MAP3K4: variants seen among roughly 807,000 people sequenced by gnomAD.
MAP3K4 encodes the protein mitogen-activated protein kinase kinase kinase 4, also known as MAP three kinase 1.
A neutral mutation model predicts 185.6 loss-of-function variants in MAP3K4; 67 were observed. That is an observed-to-expected ratio of 0.36 (90% confidence interval 0.30 to 0.44). The LOEUF is 0.44. Ranked by LOEUF, MAP3K4 falls within the 20% of genes least tolerant of loss-of-function variation. MAP3K4 has a pLI of 1.00. For synonymous variants in MAP3K4, 702 were observed against 710.4 expected (o/e 0.99, Z 0.19); for missense variants, 1,551 against 1,995.1 (o/e 0.78, Z 4.24).
intron 1 of MAP3K4, among the ~76,000 whole-genome samples, chr6:161,033,410 T>C (rs1309159966): frequency 6.6e-6 from 1 of 152,180 alleles, no homozygotes; most frequent in Non-Finnish European, 1.5e-5. Context: ...GTCAAAATAG[T>C]GATATTATTT....
chr6:161,104,373 C>A (rs1777961111), intron 19 of MAP3K4, among the ~76,000 whole-genome samples: 1 of 145,188 alleles, frequency 6.9e-6, no homozygotes, highest in African/African-American at 2.6e-5. Flanking sequence ...GAGATCGCGC[C>A]ATCACACTCT....
chr6:161,115,173 G>C lies in MAP3K4; in HGVS notation c.4677G>C (p.Gly1559=). 6.2e-7 allele frequency: 1 copy of C among 1,614,152 alleles called. No homozygotes were observed. The part of the protein sequence containing the change: ...EHNFQIMYKV[G]MGHKPPIPER... ...ACTTTCAAATTATGTATAAAGTGGG[G>C]ATGGGACATAAGCCACCAATCCCTG... The change falls in exon 26 of 27, where the codon GGG becomes GGC. Residue 1559 remains glycine (G), a synonymous_variant. Transcript: ENST00000392142. This position sits in a 1 kb window ranked among gnomAD's most constrained non-coding sequence, Gnocchi z 6.0.
Position 161,022,073 on chromosome 6 carries a change from A to G in MAP3K4, c.153-12186A>G, listed in dbSNP as rs1157080278. The stretch of plus-strand genomic sequence containing the variant: ...TGTTAATTCAAAATTACCGTTCCCT[A>G]GTTTGAAAGGCTGTTTTCTATTTCA... On this transcript the variant is annotated intron_variant, in intron 1 of 26. Transcript: ENST00000392142. The surrounding 1 kb of genome is among the most constrained non-coding windows in gnomAD (Gnocchi z 4.2). 1 of 152,208 alleles carries G rather than the reference A, an allele frequency of 6.6e-6. No individual in the cohort carries two copies. The highest frequency in any genetic ancestry group is 1.5e-5 in the Non-Finnish European group (1 of 68,030). 9.4% of individuals were successfully genotyped at this position (152,208 alleles called of 1,614,324 possible).
intron 1 of MAP3K4, among the ~76,000 whole-genome samples, chr6:161,010,230 A>G (rs935031702): frequency 6.6e-6 from 1 of 152,190 alleles, no homozygotes; most frequent in African/African-American, 2.4e-5. Flanking sequence ...TATATGCACC[A>G]CATGAGATGC....
Position 161,108,483 on chromosome 6 carries a change from C to T in MAP3K4, c.4120-260C>T, listed in dbSNP as rs1002234721. Among the ~76,000 whole-genome samples the T allele has an allele frequency of 5.3e-5, 8 of 152,030 alleles. No individual in the cohort carries two copies. The highest frequency in any genetic ancestry group is 7.4e-5 in the Non-Finnish European group (5 of 68,026). On this transcript the variant is annotated intron_variant, in intron 21 of 26. Transcript: ENST00000392142. The surrounding 1 kb of genome is among the most constrained non-coding windows in gnomAD (Gnocchi z 5.7). ...CAGCGTCTTGCACTTGCCGTGGAGC[C>T]GCGTCCTCCTCCACATGGCGCTCCT...
In MAP3K4 at chr6:161,101,867, T is replaced by C; in HGVS notation, c.3675-25T>C. 1 of 1,570,656 alleles carries C rather than the reference T, an allele frequency of 6.4e-7. No individual in the cohort carries two copies. On this transcript the variant is annotated intron_variant, in intron 17 of 26. Transcript: ENST00000392142. This position sits in a 1 kb window ranked among gnomAD's most constrained non-coding sequence, Gnocchi z 5.1. ...TTTTAAGTTCTATTGAATTGATAGCTCAATTATTAAAAATATTAAAACAGG... is the reference window on the plus strand; with the variant it reads ...TTTTAAGTTCTATTGAATTGATAGCCCAATTATTAAAAATATTAAAACAGG...
chr6:161,099,331 C>T (rs1777726378), intron 17 of MAP3K4, among the ~76,000 whole-genome samples: 1 of 152,192 alleles, frequency 6.6e-6, no homozygotes, highest in South Asian at 2.1e-4. Context: ...AATGTTTTTA[C>T]ACTTACTTTA....
chr6:161,018,777 G>C (rs1374097645), intron 1 of MAP3K4, among the ~76,000 whole-genome samples: 1 of 152,106 alleles, frequency 6.6e-6, no homozygotes, highest in South Asian at 2.1e-4. Context: ...GAAGTACCAG[G>C]AGTTGCTAAA....
At chr6:161,031,542 G>A (rs1318414413) in intron 1 of MAP3K4, among the ~76,000 whole-genome samples, 1 of 151,934 alleles carries the variant, frequency 6.6e-6, no homozygotes, top group Non-Finnish European at 1.5e-5. Flanking sequence ...AGATCGTGAC[G>A]CTCCTCAGGT....
chr6:161,037,699 C>G lies in MAP3K4; in HGVS notation c.343+3250C>G, dbSNP rs1051279723. Among the ~76,000 whole-genome samples the G allele has an allele frequency of 1.3e-5, 2 of 152,136 alleles. No homozygotes were observed. The highest frequency in any genetic ancestry group is 4.8e-5 in the African/African-American group (2 of 41,426). ...TCCCAAAGTGCTGGGATTATAGGCA[C>G]GAGCAACCATGACCGGTTGTAAAGT... On this transcript the variant is annotated intron_variant, in intron 2 of 26. Coordinates refer to ENST00000392142, the MANE Select transcript of MAP3K4 (RefSeq NM_005922.4). The surrounding 1 kb of genome is among the most constrained non-coding windows in gnomAD (Gnocchi z 4.2).
chr6:161,019,520 C>T (rs12524650), intron 1 of MAP3K4, among the ~76,000 whole-genome samples: 3,274 of 152,304 alleles, frequency 0.021, 335 homozygotes, highest in Admixed American at 0.19. Context: ...AATTCTCCTG[C>T]GTCAGTCTCC....
At position 161,112,190 on chromosome 6, in the gene MAP3K4, C is replaced by T. The variant is rs1269866689; in HGVS notation, c.4519+232C>T. ...AGGAGAGAGGAAAGCCTCTTTTTCT[C>T]ACCAGAACAACTCTTTTGTTGTTTG... On this transcript the variant is annotated intron_variant, in intron 24 of 26. Transcript: ENST00000392142. This position sits in a 1 kb window ranked among gnomAD's most constrained non-coding sequence, Gnocchi z 5.1. Among the ~76,000 whole-genome samples the T allele has an allele frequency of 7.1e-6, 1 of 140,986 alleles. No homozygotes were observed. Among genetic ancestry groups the T allele is most frequent in the Non-Finnish European group, 1.6e-5 (1 of 63,124 alleles). 92.5% of individuals were successfully genotyped at this position (140,986 alleles called of 152,430 possible).
intron 7 of MAP3K4, among the ~76,000 whole-genome samples, chr6:161,085,983 A>G (rs571667018): frequency 1.3e-5 from 2 of 152,324 alleles, no homozygotes; most frequent in South Asian, 4.1e-4. Context: ...ATTACATAAG[A>G]TAGTAATTTA....
chr6:161,060,527 G>A (rs937058615), intron 3 of MAP3K4, among the ~76,000 whole-genome samples: 5 of 151,734 alleles, frequency 3.3e-5, no homozygotes, highest in Admixed American at 6.6e-5. Context: ...TCCTTTGATA[G>A]CTTCCATGTT....
chr6:161,002,018 A>ACGTCTG (rs1180136213), intron 1 of MAP3K4, among the ~76,000 whole-genome samples: 1 of 147,112 alleles, frequency 6.8e-6, no homozygotes, highest in Non-Finnish European at 1.5e-5. Context: ...TTCCCCCCCA[A>ACGTCTG]CGTCTGCAGA....
intron 3 of MAP3K4, among the ~76,000 whole-genome samples, chr6:161,058,932 A>G (rs561350663): frequency 6.6e-6 from 1 of 152,098 alleles, no homozygotes; most frequent in Non-Finnish European, 1.5e-5. Flanking sequence ...CCCTTTATGA[A>G]CTTATTCTGT....
chr6:161,080,352 C>A lies in MAP3K4; in HGVS notation c.2098-529C>A, dbSNP rs1042740918. Among the ~76,000 whole-genome samples, 2 of 152,134 alleles carry A rather than the reference C, an allele frequency of 1.3e-5. No homozygotes were observed. Among genetic ancestry groups the A allele is most frequent in the Admixed American group, 1.3e-4 (2 of 15,270 alleles). ...CTTGTGGTGGGCATAAATCCCACTT[C>A]AGAACAACTGGATATTTTGGTTTTA... is the stretch of plus-strand genomic sequence containing the variant. On this transcript the variant is annotated intron_variant, in intron 5 of 26. Coordinates refer to ENST00000392142, the MANE Select transcript of MAP3K4 (RefSeq NM_005922.4). This position sits in a 1 kb window ranked among gnomAD's most constrained non-coding sequence, Gnocchi z 4.8.
rs1376079685 is a variant in MAP3K4 at position 161,101,307 on chromosome 6, T to C, written c.3675-585T>C. 6.6e-6 allele frequency: 1 copy of C among 152,178 alleles called. No homozygotes were observed. The highest frequency in any genetic ancestry group is 2.1e-4 in the South Asian group (1 of 4,822). The allele number at this position is 152,178 out of a possible 1,614,324, so 9.4% of individuals were successfully genotyped here. On this transcript the variant is annotated intron_variant, in intron 17 of 26. Transcript: ENST00000392142. This position sits in a 1 kb window ranked among gnomAD's most constrained non-coding sequence, Gnocchi z 5.1. ...GCTTGGCTACTGCTTGAGAAACCTT[T>C]AGGTATTCCCTTCCATTTTCTTACT... is the stretch of plus-strand genomic sequence containing the variant.
At position 161,073,138 on chromosome 6, in the gene MAP3K4, T is replaced by C. The variant is rs1785023501; in HGVS notation, c.1951-328T>C. Reference sequence around the variant, plus strand: ...TTGTAATGTAAATTAGTAGAAAAATTGATTTTATTCTATGGGATTTACTTT... The same window carrying C: ...TTGTAATGTAAATTAGTAGAAAAATCGATTTTATTCTATGGGATTTACTTT... On this transcript the variant is annotated intron_variant, in intron 4 of 26. Transcript: ENST00000392142. This position sits in a 1 kb window ranked among gnomAD's most constrained non-coding sequence, Gnocchi z 4.2. Among the ~76,000 whole-genome samples the C allele has an allele frequency of 6.6e-6, 1 of 152,206 alleles. No homozygotes were observed. Among genetic ancestry groups the C allele is most frequent in the African/African-American group, 2.4e-5 (1 of 41,460 alleles).
Sources: allele counts gnomAD v4.1 joint callset (sites outside exome capture counted in the v4.1 genomes callset), GRCh38; gene constraint gnomAD v4.1.1; non-coding constraint Gnocchi (gnomAD v3.1); transcripts MANE v1.5; gene names NCBI Gene and HGNC (gene_info 2026-07-23, HGNC 2026-07-21).